Variants in SETD3 observed in about 807,000 individuals in gnomAD.
The protein encoded by SETD3 is actin-histidine N-methyltransferase.
Under a neutral mutation model 63.0 loss-of-function variants are expected in SETD3, and 19 were observed. The observed-to-expected ratio is 0.30, with a 90% CI of 0.21 to 0.44. The LOEUF (loss-of-function observed/expected upper bound fraction) is 0.44, where lower values mean the gene tolerates loss of function less well. SETD3 is among the 20% of genes least tolerant of loss of function. The pLI is 1.00. For missense variants in SETD3, 587 were observed against 728.5 expected (o/e 0.81, Z 2.24); for synonymous variants, 286 against 264.1 (o/e 1.08, Z -0.80).
At position 99,463,563 on chromosome 14, in the gene SETD3, G is replaced by A. The variant is rs879567595; in HGVS notation, c.119C>T (p.Ala40Val). Reference sequence around the variant, plus strand: ...TTCCCACTCTTTTCCTGGGCCAGGCGCCGGACTGCTGCATTCTGTAACATA... The same window carrying A: ...TTCCCACTCTTTTCCTGGGCCAGGCACCGGACTGCTGCATTCTGTAACATA... ...SELLQKCSSP[A>V]PGPGKEWEEY... The change falls in exon 3 of 13, where the codon GCG becomes GTG. Residue 40 changes from alanine (A) to valine (V), a missense_variant. Physicochemically the swap from Ala to Val is moderately conservative, Grantham distance 64 (BLOSUM62 0). Coordinates refer to ENST00000331768, the MANE Select transcript of SETD3 (RefSeq NM_032233.3). 6.2e-6 allele frequency: 10 copies of A among 1,613,752 alleles called. No homozygotes were observed. The highest frequency in any genetic ancestry group is 3.3e-5 in the Admixed American group (2 of 60,008).
At chr14:99,443,277 T>A (rs904184998) in intron 6 of SETD3, among the ~76,000 whole-genome samples, 3 of 149,736 alleles carry the variant, frequency 2.0e-5, no homozygotes, top group Non-Finnish European at 4.4e-5. Context: ...TTTTTTTTTT[T>A]TGAGATGGAG....
intron 8 of SETD3, among the ~76,000 whole-genome samples, chr14:99,411,046 G>A (rs1277233963): frequency 2.0e-5 from 3 of 152,168 alleles, no homozygotes; most frequent in African/African-American, 7.2e-5. Flanking sequence ...CAACTTTGTA[G>A]TGTTAAAAAA....
intron 1 of SETD3, among the ~76,000 whole-genome samples, chr14:99,471,781 A>T (rs563849166): frequency 2.6e-5 from 4 of 152,366 alleles, no homozygotes; most frequent in African/African-American, 9.6e-5. Context: ...TTTAGAAAGC[A>T]ATAAAGCAGG....
chr14:99,475,288 C>T (rs1331348440), intron 1 of SETD3, among the ~76,000 whole-genome samples: 2 of 152,172 alleles, frequency 1.3e-5, no homozygotes, highest in African/African-American at 4.8e-5. Context: ...GATCATGGTG[C>T]CGGATGTTAT....
intron 2 of SETD3, among the ~76,000 whole-genome samples, chr14:99,465,425 G>A (rs1451624845): frequency 6.6e-6 from 1 of 152,200 alleles, no homozygotes; most frequent in Non-Finnish European, 1.5e-5. Context: ...CTCGCCCACA[G>A]GTCCTCAGGG....
intron 6 of SETD3, among the ~76,000 whole-genome samples, chr14:99,423,961 T>C (rs1566697325): frequency 1.4e-5 from 2 of 147,460 alleles, no homozygotes; most frequent in Non-Finnish European, 1.5e-5. Context: ...TTCACTCTCT[T>C]TTTTTTTTTT....
At chr14:99,404,417 T>G (rs1484742933) in intron 10 of SETD3, 107 bp from the exon 11 acceptor site, 1 of 947,272 alleles carries the variant, frequency 1.1e-6, no homozygotes, top group Non-Finnish European at 1.7e-6. Context: ...CAAGGAGAGC[T>G]GAGCTGGAAT....
At chr14:99,424,485 T>C (rs1892770886) in intron 6 of SETD3, among the ~76,000 whole-genome samples, 1 of 152,112 alleles carries the variant, frequency 6.6e-6, no homozygotes, top group Non-Finnish European at 1.5e-5. Flanking sequence ...ATGTTCTTGA[T>C]AAATGTTGTG....
At position 99,398,614 on chromosome 14, in the gene SETD3, G is replaced by A. The variant is rs1172727424; in HGVS notation, c.*65C>T. 2.2e-6 allele frequency: 3 copies of A among 1,386,846 alleles called. No individual in the cohort carries two copies. Among genetic ancestry groups the A allele is most frequent in the East Asian group, 4.6e-5 (2 of 43,382 alleles). The allele number at this position is 1,386,846 out of a possible 1,614,324, so 85.9% of individuals were successfully genotyped here. A position where few individuals can be genotyped will look rare whatever the true frequency, so the allele number is the denominator to read the frequency against. On this transcript the variant is annotated 3_prime_UTR_variant, in exon 13 of 13. Coordinates refer to ENST00000331768, the MANE Select transcript of SETD3 (RefSeq NM_032233.3). ...AGAAAAATGTTAACAAGGAAACACA[G>A]CGATGTGAACGGACTGTCCGTCAAC...
In SETD3 at chr14:99,400,147, A is replaced by C. The variant is rs1406819964; in HGVS notation, c.1290T>G (p.Leu430=). Reference sequence around the variant, plus strand: ...TTAAAAGAAGTGAGGCTCTATCTTCAAGAAATGTCCAAAGTTTGACCTCGT... The same window carrying C: ...TTAAAAGAAGTGAGGCTCTATCTTCCAGAAATGTCCAAAGTTTGACCTCGT... ...WDNEVKLWTF[L]EDRASLLLKT... The change falls in exon 12 of 13, where the codon CTT becomes CTG. Residue 430 remains leucine, a synonymous_variant. Coordinates refer to ENST00000331768, the MANE Select transcript of SETD3 (RefSeq NM_032233.3). 3.1e-6 allele frequency: 5 copies of C among 1,614,114 alleles called. No homozygotes were observed. Among genetic ancestry groups the C allele is most frequent in the Non-Finnish European group, 4.2e-6 (5 of 1,180,006 alleles).
intron 6 of SETD3, among the ~76,000 whole-genome samples, chr14:99,445,688 A>C (rs1046788659): frequency 6.6e-6 from 1 of 152,202 alleles, no homozygotes; most frequent in East Asian, 1.9e-4. Context: ...GAGTGATTAC[A>C]AATGTGTGTA....
chr14:99,431,039 C>A (rs1328009669), intron 6 of SETD3, among the ~76,000 whole-genome samples: 1 of 152,238 alleles, frequency 6.6e-6, no homozygotes, highest in African/African-American at 2.4e-5. Context: ...GTGGCCATCA[C>A]TCCTGTTTTA....
rs574345560 is a variant in SETD3, at chr14:99,436,542, T to C, written c.675+21737A>G. ...TCTATTACAGCACAGGGATAAGTGT[T>C]AGGCTGAGATTAAGCGGCCCTCCTT... On this transcript the variant is annotated intron_variant, in intron 6 of 12. Transcript: ENST00000331768. Among the ~76,000 whole-genome samples, 33 of 152,268 alleles carry C rather than the reference T, an allele frequency of 2.2e-4. No homozygotes were observed. The South Asian group carries it at 6.2e-3, about 29-fold the overall frequency.
At position 99,413,002 on chromosome 14, in the gene SETD3, C is replaced by A; in HGVS notation, c.798G>T (p.Val266=). 6.2e-7 allele frequency: 1 copy of A among 1,614,086 alleles called. No homozygotes were observed. The highest frequency in any genetic ancestry group is 8.5e-7 in the Non-Finnish European group (1 of 1,179,976). ...CCCATAAAGGAATCAGAGCCAGGGTCACGCGGGAACCATCCTCTGTGGGAA... is the reference window on the plus strand; with the variant it reads ...CCCATAAAGGAATCAGAGCCAGGGTAACGCGGGAACCATCCTCTGTGGGAA... ...NQIPTEDGSR[V]TLALIPLWDM... is the part of the protein sequence containing the mutation. The change falls in exon 8 of 13, where the codon GTG becomes GTT. Residue 266 remains valine (V), a synonymous_variant. Coordinates refer to ENST00000331768, the MANE Select transcript of SETD3 (RefSeq NM_032233.3).
At chr14:99,458,013 CA>C (rs919487600) in intron 6 of SETD3, among the ~76,000 whole-genome samples, 106 of 152,040 alleles carry the variant, frequency 7.0e-4, no homozygotes, top group African/African-American at 2.2e-3. Context: ...CTTTTGTTTA[CA>C]AAAAAACTTG....
intron 6 of SETD3, among the ~76,000 whole-genome samples, chr14:99,457,746 G>C (rs1450269599): frequency 1.3e-5 from 2 of 152,184 alleles, no homozygotes; most frequent in Non-Finnish European, 1.5e-5. Context: ...CCAAAATACA[G>C]AAAGGTGTCA....
Position 99,458,504 on chromosome 14 carries a change from T to A in SETD3, c.450A>T (p.Gln150His). 6.2e-7 allele frequency: 1 copy of A among 1,614,192 alleles called. No individual in the cohort carries two copies. Among genetic ancestry groups the A allele is most frequent in the East Asian group, 2.2e-5 (1 of 44,890 alleles). Reference sequence around the variant, plus strand: ...AGGCCAGTGCGATGTTTCCCATGGCTTGAAGGATTCGGTCTTGAGAATATA... The same window carrying A: ...AGGCCAGTGCGATGTTTCCCATGGCATGAAGGATTCGGTCTTGAGAATATA... ...GPLYSQDRIL[Q>H]AMGNIALAFH... is the part of the protein sequence containing the mutation. Residue 150 changes from glutamine (Q) to histidine (H), a missense_variant, in exon 6 of 13, where the codon CAA (glutamine) becomes CAT (histidine). Gln to His is a conservative substitution (Grantham distance 24, BLOSUM62 0). Transcript: ENST00000331768.
intron 1 of SETD3, among the ~76,000 whole-genome samples, chr14:99,479,966 A>G (rs1896182010): frequency 6.6e-6 from 1 of 151,862 alleles, no homozygotes; most frequent in African/African-American, 2.4e-5. Context: ...CCGGGAAAAG[A>G]CAAGAGTTGC....
chr14:99,427,441 G>A (rs986484971), intron 6 of SETD3, among the ~76,000 whole-genome samples: 2 of 152,168 alleles, frequency 1.3e-5, no homozygotes, highest in Non-Finnish European at 2.9e-5. Context: ...ACTGTAGGAT[G>A]AACTATATCT....
Sources: allele counts gnomAD v4.1 joint callset (sites outside exome capture counted in the v4.1 genomes callset), GRCh38; gene constraint gnomAD v4.1.1; transcripts MANE v1.5; gene names NCBI Gene and HGNC (gene_info 2026-07-23, HGNC 2026-07-21).